Variants in FGGY observed in about 807,000 individuals in gnomAD.
FGGY encodes the protein FGGY carbohydrate kinase domain-containing protein.
In FGGY, 72 loss-of-function variants were observed where a neutral mutation model predicts 71.3. The ratio of observed to expected loss-of-function variants is 1.01; its 90% CI spans 0.84 to 1.23. The LOEUF (loss-of-function observed/expected upper bound fraction) is 1.23. Among genes scored for constraint, FGGY ranks in the 50% most tolerant of loss-of-function variants. FGGY has a pLI of 0.00. For synonymous variants in FGGY, 251 were observed against 250.3 expected, an observed-to-expected ratio of 1.00 and a Z score of -0.02; for missense variants, 668 against 682.3, an observed-to-expected ratio of 0.98 and a Z score of 0.23.
chr1:59,596,794 C>T (rs1001086145), intron 8 of FGGY, among the ~76,000 whole-genome samples: 3 of 152,182 alleles, frequency 2.0e-5, no homozygotes, highest in African/African-American at 7.2e-5. Flanking sequence ...GATGTGCTGG[C>T]ACATGTACCG....
intron 9 of FGGY, among the ~76,000 whole-genome samples, chr1:59,625,651 C>T (rs560487243): frequency 6.6e-6 from 1 of 152,088 alleles, no homozygotes; most frequent in African/African-American, 2.4e-5. Flanking sequence ...GTGCTTTTAA[C>T]ACTCAGACCC....
chr1:59,531,588 T>A (rs1332752590), intron 7 of FGGY, among the ~76,000 whole-genome samples: 1 of 152,206 alleles, frequency 6.6e-6, no homozygotes, highest in Non-Finnish European at 1.5e-5. Flanking sequence ...TTTACTGACT[T>A]GCTGAGATTT....
chr1:59,519,044 T>A (rs2094745354), intron 7 of FGGY, among the ~76,000 whole-genome samples: 1 of 152,232 alleles, frequency 6.6e-6, no homozygotes, highest in Non-Finnish European at 1.5e-5. Flanking sequence ...ACTTAGTTCT[T>A]AAGGCAACTT....
intron 14 of FGGY, among the ~76,000 whole-genome samples, chr1:59,752,986 A>G (rs1422351341): frequency 6.6e-6 from 1 of 152,214 alleles, no homozygotes; most frequent in African/African-American, 2.4e-5. Context: ...GCTATTTTAC[A>G]AAATATTTTG....
At chr1:59,347,664 T>C (rs924522474) in intron 4 of FGGY, among the ~76,000 whole-genome samples, 1 of 152,144 alleles carries the variant, frequency 6.6e-6, no homozygotes, top group African/African-American at 2.4e-5. Context: ...TATCTACAAC[T>C]ATCTGATCTT....
intron 7 of FGGY, among the ~76,000 whole-genome samples, chr1:59,523,761 T>C (rs912894371): frequency 3.3e-5 from 5 of 152,212 alleles, no homozygotes; most frequent in Non-Finnish European, 7.4e-5. Context: ...TGGTAAAAAT[T>C]TAAATGCTTG....
rs373467096 is a variant in FGGY at position 59,342,132 on chromosome 1, T to A, written c.313+2063T>A. The stretch of plus-strand genomic sequence containing the variant: ...TACATGTTTACTTATTTATTTTTAT[T>A]CTGGCTGTGCATTAGTATCAACTGG... On this transcript the variant is annotated intron_variant, in intron 3 of 15. Transcript: ENST00000303721. Among the ~76,000 whole-genome samples, 19 of 152,332 alleles carry A rather than the reference T, an allele frequency of 1.2e-4. No homozygotes were observed. In the South Asian group the frequency reaches 3.9e-3, roughly 32 times the overall value.
At chr1:59,427,799 G>T (rs1041789015) in intron 5 of FGGY, among the ~76,000 whole-genome samples, 3 of 152,176 alleles carry the variant, frequency 2.0e-5, no homozygotes, top group Admixed American at 2.0e-4. Flanking sequence ...GGAGATGGAA[G>T]TAACACTGCA....
intron 14 of FGGY, among the ~76,000 whole-genome samples, chr1:59,684,479 G>A (rs1438834154): frequency 6.6e-6 from 1 of 152,178 alleles, no homozygotes; most frequent in Non-Finnish European, 1.5e-5. Flanking sequence ...CCAGGCCTAT[G>A]CTCCTCATCT....
intron 13 of FGGY, among the ~76,000 whole-genome samples, chr1:59,671,997 G>T (rs1253925085): frequency 6.6e-6 from 1 of 152,154 alleles, no homozygotes; most frequent in Non-Finnish European, 1.5e-5. Context: ...GGAGCTTTTG[G>T]CAGGGTAGGA....
At chr1:59,609,338 G>C (rs2096653133) in intron 9 of FGGY, among the ~76,000 whole-genome samples, 1 of 152,236 alleles carries the variant, frequency 6.6e-6, no homozygotes, top group Non-Finnish European at 1.5e-5. Flanking sequence ...TGAAAGGTTA[G>C]AAGAGTATGT....
chr1:59,514,778 C>A (rs1276827026), intron 7 of FGGY, among the ~76,000 whole-genome samples: 1 of 152,150 alleles, frequency 6.6e-6, no homozygotes, highest in Non-Finnish European at 1.5e-5. Context: ...TAAGAAGTGC[C>A]TTTTGCTCTT....
intron 14 of FGGY, among the ~76,000 whole-genome samples, chr1:59,717,127 TTAG>T (rs1181145416): frequency 6.6e-6 from 1 of 152,204 alleles, no homozygotes; most frequent in African/African-American, 2.4e-5. Context: ...AAATTGAGGC[TTAG>T]ATTATAGCAA....
intron 8 of FGGY, among the ~76,000 whole-genome samples, chr1:59,571,566 T>G (rs561428229): frequency 6.6e-6 from 1 of 152,224 alleles, no homozygotes; most frequent in South Asian, 2.1e-4. Context: ...TGCCCTGTAC[T>G]CTACCAATTC....
intron 10 of FGGY, 97 bp from the exon 11 acceptor site, chr1:59,638,131 T>C: frequency 7.8e-7 from 1 of 1,277,354 alleles, no homozygotes; most frequent in Non-Finnish European, 1.1e-6. Context: ...GCCTGCTTAC[T>C]TTCCTGGATC....
At chr1:59,378,930 A>G in intron 5 of FGGY, 93 bp downstream of exon 5, 1 of 1,037,888 alleles carries the variant, frequency 9.6e-7, no homozygotes, top group Non-Finnish European at 1.5e-6. Context: ...GACTGGATAT[A>G]CTTTTGGTAC....
intron 10 of FGGY, among the ~76,000 whole-genome samples, chr1:59,628,386 G>A (rs2096878585): frequency 6.6e-6 from 1 of 152,150 alleles, no homozygotes; most frequent in Admixed American, 6.5e-5. Context: ...TTGCTCCAAA[G>A]GAAAATTAAG....
At chr1:59,588,436 AC>A (rs2096356673) in intron 8 of FGGY, among the ~76,000 whole-genome samples, 1 of 152,034 alleles carries the variant, frequency 6.6e-6, no homozygotes, top group African/African-American at 2.4e-5. Flanking sequence ...TTCAGGAAAT[AC>A]AGAGAACGCC....
At chr1:59,439,610 G>A (rs1478072144) in intron 5 of FGGY, among the ~76,000 whole-genome samples, 1 of 152,064 alleles carries the variant, frequency 6.6e-6, no homozygotes, top group Non-Finnish European at 1.5e-5. Flanking sequence ...AGCCCTACAA[G>A]TTAGGCAGCT....
Sources: gnomAD v4.1 joint callset for allele counts (sites outside exome capture counted in the v4.1 genomes callset) on GRCh38, gnomAD v4.1.1 for gene constraint, MANE v1.5 for transcripts, NCBI Gene and HGNC (gene_info 2026-07-23, HGNC 2026-07-21) for gene names.